Variants in LRRC53 observed in about 807,000 individuals in gnomAD.
LRRC53 encodes the protein leucine-rich repeat-containing protein 53.
LRRC53 carries 25 observed loss-of-function variants against 13.6 expected under a neutral mutation model. That is an observed-to-expected ratio of 1.83 (90% CI 1.34 to 2.56). LRRC53 has a LOEUF of 2.56. LRRC53 is among the 30% of genes most tolerant of loss of function. LRRC53 has a pLI of 0.00. For missense variants in LRRC53, 527 were observed against 275.8 expected, an observed-to-expected ratio of 1.91 and a Z score of -6.45; for synonymous variants, 204 against 109.8, an observed-to-expected ratio of 1.86 and a Z score of -5.37.
chr1:74,500,905 C>T (rs1669591881), intron 1 of LRRC53, among the ~76,000 whole-genome samples: 1 of 151,782 alleles, frequency 6.6e-6, no homozygotes, highest in South Asian at 2.1e-4. Context: ...TCTTCTTTAT[C>T]TTTGGTATCC....
chr1:74,512,212 G>C (rs1670263907), intron 1 of LRRC53, among the ~76,000 whole-genome samples: 1 of 152,202 alleles, frequency 6.6e-6, no homozygotes, highest in Non-Finnish European at 1.5e-5. Context: ...TGTGTTTACT[G>C]TCAGTGATTG....
intron 1 of LRRC53, among the ~76,000 whole-genome samples, chr1:74,490,659 G>A (rs947595861): frequency 6.6e-6 from 1 of 152,160 alleles, no homozygotes; most frequent in African/African-American, 2.4e-5. Flanking sequence ...CTTGACTTGC[G>A]CAGTTTCATA....
At chr1:74,491,997 A>G in intron 1 of LRRC53, 1 of 1,369,332 alleles carries the variant, frequency 7.3e-7, no homozygotes, top group Non-Finnish European at 9.6e-7. Flanking sequence ...AAATTAAAAT[A>G]TGGGAAACCT....
chr1:74,520,775 C>T, the LRRC53 span, among the ~76,000 whole-genome samples: 1 of 152,002 alleles, frequency 6.6e-6, no homozygotes, highest in Admixed American at 6.6e-5. Context: ...AAAACAGTCC[C>T]CTTTGAGTTG....
intron 1 of LRRC53, among the ~76,000 whole-genome samples, chr1:74,501,884 A>T (rs915664477): frequency 6.6e-6 from 1 of 152,066 alleles, no homozygotes. Flanking sequence ...TTATATATAT[A>T]TATATACATT....
At chr1:74,535,264 G>A in the LRRC53 span, among the ~76,000 whole-genome samples, 1 of 152,088 alleles carries the variant, frequency 6.6e-6, no homozygotes, top group Non-Finnish European at 1.5e-5. Flanking sequence ...ATCAACAGGA[G>A]TTCGACACCA....
rs1667822406 is a variant in LRRC53, at chr1:74,469,554, A to T, written c.*324T>A. The T allele has an allele frequency of 5.1e-6, 1 of 194,710 alleles. No homozygotes were observed. The highest frequency in any genetic ancestry group is 2.0e-4 in the South Asian group (1 of 5,002). 12.1% of individuals were successfully genotyped at this position (194,710 alleles called of 1,614,324 possible). Reference sequence around the variant, plus strand: ...GTAAATCTGCTCAAATACTCTTCTTATGTAGTTTTTCATTTGTTTAAGGCT... The same window carrying T: ...GTAAATCTGCTCAAATACTCTTCTTTTGTAGTTTTTCATTTGTTTAAGGCT... On this transcript the variant is annotated 3_prime_UTR_variant, in exon 5 of 5. Coordinates refer to ENST00000294635, the MANE Select transcript of LRRC53 (RefSeq NM_001382280.1).
chr1:74,506,217 A>G (rs1669893028), intron 1 of LRRC53, among the ~76,000 whole-genome samples: 1 of 152,240 alleles, frequency 6.6e-6, no homozygotes, highest in African/African-American at 2.4e-5. Flanking sequence ...GTATTCAAAC[A>G]TAGACACTTA....
chr1:74,520,627 G>A, the LRRC53 span, among the ~76,000 whole-genome samples: 1 of 152,052 alleles, frequency 6.6e-6, no homozygotes, highest in Non-Finnish European at 1.5e-5. Flanking sequence ...AAAAAAAATG[G>A]GAAAAATCAA....
At chr1:74,478,431 G>C (rs866237760) in intron 3 of LRRC53, among the ~76,000 whole-genome samples, 11 of 152,134 alleles carry the variant, frequency 7.2e-5, no homozygotes, top group Non-Finnish European at 1.5e-4. Flanking sequence ...AACTGTTAAT[G>C]TAGCTAAATA....
At position 74,483,362 on chromosome 1, in the gene LRRC53, T is replaced by C; in HGVS notation, c.-13A>G. On this transcript the variant is annotated 5_prime_UTR_variant, in exon 2 of 5. Transcript: ENST00000294635. ...CCAACCGCAACATGATGGCAAAGAGTACCAGCCATCCACCTGAAAGGAAAG... is the reference window on the plus strand; with the variant it reads ...CCAACCGCAACATGATGGCAAAGAGCACCAGCCATCCACCTGAAAGGAAAG... 1.4e-6 allele frequency: 1 copy of C among 717,136 alleles called. No individual in the cohort carries two copies. Among genetic ancestry groups the C allele is most frequent in the Non-Finnish European group, 2.6e-6 (1 of 384,822 alleles). The allele number at this position is 717,136 out of a possible 1,614,324, so 44.4% of individuals were successfully genotyped here.
At chr1:74,511,447 A>T (rs1433477685) in intron 1 of LRRC53, among the ~76,000 whole-genome samples, 1 of 152,048 alleles carries the variant, frequency 6.6e-6, no homozygotes, top group African/African-American at 2.4e-5. Flanking sequence ...ATTCACTCTT[A>T]TTTTCTTTAT....
chr1:74,487,516 AG>A, intron 1 of LRRC53, among the ~76,000 whole-genome samples: 1 of 152,284 alleles, frequency 6.6e-6, no homozygotes, highest in African/African-American at 2.4e-5. Context: ...GATTCAATAA[AG>A]TTTAGGATTC....
At chr1:74,481,603 C>T (rs1302449364) in intron 2 of LRRC53, among the ~76,000 whole-genome samples, 1 of 152,188 alleles carries the variant, frequency 6.6e-6, no homozygotes, top group African/African-American at 2.4e-5. Context: ...CCATCTTGGC[C>T]TCCTGTCTAA....
chr1:74,492,180 T>C, intron 1 of LRRC53: 1 of 1,613,386 alleles, frequency 6.2e-7, no homozygotes, highest in South Asian at 1.1e-5. Context: ...GGGGAGGACC[T>C]GGCCGGAGTC....
chr1:74,472,261 C>A, intron 4 of LRRC53, 60 bp from the exon 5 acceptor site: 1 of 704,248 alleles, frequency 1.4e-6, no homozygotes, highest in Non-Finnish European at 2.6e-6. Context: ...CCCAACCAAA[C>A]AGATGCGTAG....
At chr1:74,491,500 A>G (rs1051519697) in intron 1 of LRRC53, among the ~76,000 whole-genome samples, 3 of 152,168 alleles carry the variant, frequency 2.0e-5, no homozygotes, top group African/African-American at 4.8e-5. Context: ...TCAGGCTCCC[A>G]AAGTGCTGGG....
Position 74,471,794 on chromosome 1 carries a change from T to C in LRRC53, c.1828A>G (p.Ile610Val). Reference protein sequence around the residue: ...EKEQIQINSAIEKFLMSEDNI... With the variant: ...EKEQIQINSAVEKFLMSEDNI... ...TCCTCACTCATAAGAAATTTTTCTATTGCACTGTTAATTTGGATTTGCTCT... is the reference window on the plus strand; with the variant it reads ...TCCTCACTCATAAGAAATTTTTCTACTGCACTGTTAATTTGGATTTGCTCT... The change falls in exon 5 of 5, where the codon ATA becomes GTA. Residue 610 changes from isoleucine (I) to valine (V), a missense_variant. By Grantham distance (29) the Ile-to-Val change is conservative (BLOSUM62 3). Coordinates refer to ENST00000294635, the MANE Select transcript of LRRC53 (RefSeq NM_001382280.1). 2.3e-6 allele frequency: 1 copy of C among 426,898 alleles called. No homozygotes were observed. Among genetic ancestry groups the C allele is most frequent in the Non-Finnish European group, 4.1e-6 (1 of 242,044 alleles). The allele number at this position is 426,898 out of a possible 1,614,324, so 26.4% of individuals were successfully genotyped here. A position where few individuals can be genotyped will look rare whatever the true frequency, so the allele number is the denominator to read the frequency against.
intron 1 of LRRC53, among the ~76,000 whole-genome samples, chr1:74,487,946 G>C (rs576439500): frequency 7.2e-5 from 11 of 152,168 alleles, no homozygotes; most frequent in Non-Finnish European, 1.3e-4. Flanking sequence ...TGGAGGCATT[G>C]GTCATGACAG....
Sources: allele counts gnomAD v4.1 joint callset (sites outside exome capture counted in the v4.1 genomes callset), GRCh38; gene constraint gnomAD v4.1.1; transcripts MANE v1.5; gene names NCBI Gene and HGNC (gene_info 2026-07-23, HGNC 2026-07-21).